The following NCOA6 variants were observed in gnomAD, a reference collection of about 807,000 sequenced individuals.
NCOA6 encodes nuclear receptor coactivator 6, also known as NRC RAP250.
In NCOA6, 49 loss-of-function variants were observed where a neutral mutation model predicts 171.4. That is an observed-to-expected ratio of 0.29 (90% CI 0.23 to 0.36). The LOEUF is 0.36. Ranked by LOEUF, NCOA6 falls within the 10% of genes least tolerant of loss-of-function variation. The pLI is 1.00. For synonymous variants in NCOA6, 910 were observed against 927.5 expected, an observed-to-expected ratio of 0.98 and a Z score of 0.34; for missense variants, 2,248 against 2,554.5, an observed-to-expected ratio of 0.88 and a Z score of 2.59.
At position 34,749,870 on chromosome 20, in the gene NCOA6, G is replaced by A. The variant is rs1398448878; in HGVS notation, c.2325C>T (p.Asn775=). The A allele has an allele frequency of 6.2e-7, 1 of 1,614,264 alleles. No homozygotes were observed. The highest frequency in any genetic ancestry group is 1.7e-5 in the Admixed American group (1 of 60,034). The part of the protein sequence containing the change: ...QMLPQQGPVN[N]SPSQVMGIQG... ...GAATGCCCATAACCTGAGATGGACT[G>A]TTGTTCACAGGCCCTTGCTGGGGCA... Residue 775 remains asparagine, a synonymous_variant, in exon 9 of 15, where the codon AAC becomes AAT. Transcript: ENST00000359003.
chr20:34,751,702 T>G (rs150204347), intron 8 of NCOA6, among the ~76,000 whole-genome samples: 1 of 152,150 alleles, frequency 6.6e-6, no homozygotes, highest in African/African-American at 2.4e-5. Flanking sequence ...TGGTGAATCA[T>G]GTGGCACATG....
At chr20:34,816,974 T>C (rs1288067584) in intron 1 of NCOA6, among the ~76,000 whole-genome samples, 1 of 150,640 alleles carries the variant, frequency 6.6e-6, no homozygotes, top group African/African-American at 2.4e-5. Context: ...TACAAAAAAA[T>C]TAGCTGGGCG....
chr20:34,769,896 C>G (rs1044606978), intron 4 of NCOA6, among the ~76,000 whole-genome samples: 14 of 152,188 alleles, frequency 9.2e-5, no homozygotes, highest in African/African-American at 2.2e-4. Context: ...TAAAATATAG[C>G]TAGTCTGTGG....
At chr20:34,717,625 G>C (rs557489981) in intron 14 of NCOA6, among the ~76,000 whole-genome samples, 1 of 152,086 alleles carries the variant, frequency 6.6e-6, no homozygotes, top group East Asian at 1.9e-4. Flanking sequence ...TTACTCATTA[G>C]TCTTTTACTA....
At chr20:34,824,315 C>A (rs910372018) in intron 1 of NCOA6, among the ~76,000 whole-genome samples, 5 of 152,202 alleles carry the variant, frequency 3.3e-5, no homozygotes. Context: ...ATTTCTAGTA[C>A]CCCTCTGCCA....
intron 3 of NCOA6, among the ~76,000 whole-genome samples, chr20:34,779,769 C>A (rs2077460091): frequency 6.6e-6 from 1 of 152,084 alleles, no homozygotes; most frequent in South Asian, 2.1e-4. Flanking sequence ...AAGCCCCTTC[C>A]AGCTCTTAAA....
chr20:34,757,101 C>T (rs2076663372), intron 7 of NCOA6, 119 bp downstream of exon 7: 1 of 1,097,304 alleles, frequency 9.1e-7, no homozygotes, highest in Non-Finnish European at 1.3e-6. Flanking sequence ...ACCACCATAT[C>T]CACAAAACCA....
At chr20:34,754,686 A>G in intron 8 of NCOA6, 36 bp downstream of exon 8, 1 of 1,613,592 alleles carries the variant, frequency 6.2e-7, no homozygotes, top group Non-Finnish European at 8.5e-7. Context: ...CACAATGCTC[A>G]ATAAATGCTG....
chr20:34,802,593 C>T (rs2078292439), intron 1 of NCOA6, among the ~76,000 whole-genome samples: 1 of 145,578 alleles, frequency 6.9e-6, no homozygotes, highest in African/African-American at 2.5e-5. Context: ...GAGCAAGACT[C>T]CGTCTCAAAA....
At chr20:34,791,595 A>G (rs2077887895) in intron 2 of NCOA6, among the ~76,000 whole-genome samples, 1 of 152,234 alleles carries the variant, frequency 6.6e-6, no homozygotes, top group Admixed American at 6.5e-5. Context: ...TGAAAGAAAA[A>G]AAAACTTTCT....
chr20:34,816,646 C>A (rs1353221372), intron 1 of NCOA6, among the ~76,000 whole-genome samples: 1 of 151,928 alleles, frequency 6.6e-6, no homozygotes, highest in Non-Finnish European at 1.5e-5. Context: ...GTGATCCACC[C>A]ACCTTGGCCT....
chr20:34,822,400 CGT>C (rs1347991705), intron 1 of NCOA6, among the ~76,000 whole-genome samples: 1 of 152,144 alleles, frequency 6.6e-6, no homozygotes, highest in Non-Finnish European at 1.5e-5. Flanking sequence ...TCCCTGAAAA[CGT>C]GTCTTTACCT....
intron 10 of NCOA6, among the ~76,000 whole-genome samples, chr20:34,745,099 C>T (rs576179379): frequency 2.0e-5 from 3 of 152,296 alleles, no homozygotes; most frequent in Admixed American, 1.3e-4. Context: ...AACACAATCA[C>T]AAACTGAATT....
At chr20:34,794,298 T>G (rs944615432) in intron 1 of NCOA6, among the ~76,000 whole-genome samples, 4 of 151,912 alleles carry the variant, frequency 2.6e-5, no homozygotes, top group Non-Finnish European at 4.4e-5. Flanking sequence ...CTTCATCTCT[T>G]AAAAAAAATT....
At chr20:34,731,378 T>C (rs1043187448) in intron 13 of NCOA6, among the ~76,000 whole-genome samples, 1 of 152,252 alleles carries the variant, frequency 6.6e-6, no homozygotes, top group Non-Finnish European at 1.5e-5. Flanking sequence ...ATAGGTTAAA[T>C]ATCAGGGCTC....
intron 1 of NCOA6, chr20:34,820,533 G>A (rs1295019693): frequency 6.6e-6 from 1 of 152,160 alleles, no homozygotes; most frequent in African/African-American, 2.4e-5. Context: ...CACTTTAGGA[G>A]GCCAAGACGG....
At position 34,768,513 on chromosome 20, in the gene NCOA6, A is replaced by G; in HGVS notation, c.465T>C (p.Ala155=). Residue 155 remains alanine, a synonymous_variant, in exon 5 of 15, where the codon GCT becomes GCC. Coordinates refer to ENST00000359003, the MANE Select transcript of NCOA6 (RefSeq NM_014071.5). The stretch of plus-strand genomic sequence containing the variant: ...CCGCCTCCATCCTAACTGAATTTCC[A>G]GCTCCCATGGGTCCATTCATTCTCA... ...QDVRMNGPMG[A]GNSVRMEAGF... is the part of the protein sequence containing the mutation. 6.2e-7 allele frequency: 1 copy of G among 1,614,170 alleles called. No homozygotes were observed. Among genetic ancestry groups the G allele is most frequent in the Non-Finnish European group, 8.5e-7 (1 of 1,180,028 alleles).
intron 1 of NCOA6, among the ~76,000 whole-genome samples, chr20:34,803,450 G>A (rs1239302478): frequency 6.9e-6 from 1 of 145,854 alleles, no homozygotes; most frequent in Non-Finnish European, 1.5e-5. Context: ...CTGGGTGACA[G>A]AGCAAGACTT....
chr20:34,801,763 G>A (rs1365749652), intron 1 of NCOA6, among the ~76,000 whole-genome samples: 1 of 152,176 alleles, frequency 6.6e-6, no homozygotes, highest in Non-Finnish European at 1.5e-5. Flanking sequence ...TACTCGGGAG[G>A]CTGAGGCAGG....
Sources: allele counts gnomAD v4.1 joint callset (sites outside exome capture counted in the v4.1 genomes callset), GRCh38; gene constraint gnomAD v4.1.1; transcripts MANE v1.5; gene names NCBI Gene and HGNC (gene_info 2026-07-23, HGNC 2026-07-21).